Variants in AFDN observed in about 807,000 individuals in gnomAD.
AFDN encodes the protein afadin.
A neutral mutation model predicts 216.6 loss-of-function variants in AFDN; 68 were observed. That is an observed-to-expected ratio of 0.31 (90% CI 0.26 to 0.38). AFDN has a LOEUF of 0.38. Ranked by LOEUF, AFDN falls within the 10% of genes least tolerant of loss-of-function variation. AFDN has a pLI of 1.00. For missense variants in AFDN, 2,136 were observed against 2,342.0 expected (o/e 0.91, Z 1.82); for synonymous variants, 868 against 853.7 (o/e 1.02, Z -0.29).
rs749319737 is a variant in AFDN at position 167,972,014 on chromosome 6, CTGAG to C, written c.*2081_*2084del. 10 of 186,380 alleles carry C rather than the reference CTGAG, an allele frequency of 5.4e-5. No homozygotes were observed. Among genetic ancestry groups the C allele is most frequent in the Non-Finnish European group, 1.0e-4 (9 of 88,318 alleles). 11.5% of individuals were successfully genotyped at this position (186,380 alleles called of 1,614,324 possible). On this transcript the variant is annotated 3_prime_UTR_variant, in exon 34 of 34. Transcript: ENST00000683244. The stretch of plus-strand genomic sequence containing the variant: ...CTGTCTCTTCTTCATTAAACACTTA[CTGAG>C]TATGATTTCTGTGTCAGGCAGTGGT...
At position 167,827,083 on chromosome 6, in the gene AFDN, C is replaced by A; in HGVS notation, c.-50C>A. 2 of 1,049,478 alleles carry A rather than the reference C, an allele frequency of 1.9e-6. No individual in the cohort carries two copies. Among genetic ancestry groups the A allele is most frequent in the Non-Finnish European group, 2.4e-6 (2 of 829,780 alleles). 65.0% of individuals were successfully genotyped at this position (1,049,478 alleles called of 1,614,324 possible). On this transcript the variant is annotated 5_prime_UTR_variant, in exon 1 of 34. Coordinates refer to ENST00000683244, the MANE Select transcript of AFDN (RefSeq NM_001386888.1). ...GCCCCCGCGGACCTGTCGTCCTCGG[C>A]CCGTCCTCCGGCCCCGGCCCCGCGC...
chr6:167,953,293 GAAATTT>G (rs1237733685), intron 30 of AFDN, among the ~76,000 whole-genome samples: 2 of 152,152 alleles, frequency 1.3e-5, no homozygotes, highest in African/African-American at 4.8e-5. Context: ...ACCTCACAAT[GAAATTT>G]AACCTTAGAT....
chr6:167,853,586 CTG>C (rs1782558281), intron 1 of AFDN, among the ~76,000 whole-genome samples: 1 of 152,062 alleles, frequency 6.6e-6, no homozygotes, highest in Non-Finnish European at 1.5e-5. Flanking sequence ...AGAGCTGAAA[CTG>C]TGTGATAAAG....
intron 8 of AFDN, chr6:167,893,651 T>A (rs367560147): frequency 1.2e-4 from 63 of 533,218 alleles, no homozygotes; most frequent in Non-Finnish European, 3.4e-5. Context: ...ACAGTCTGCA[T>A]TGGTTTCTAA....
At chr6:167,907,924 G>A (rs1789914821) in intron 13 of AFDN, among the ~76,000 whole-genome samples, 1 of 152,124 alleles carries the variant, frequency 6.6e-6, no homozygotes, top group African/African-American at 2.4e-5. Context: ...AAATGTTGCA[G>A]AGTAATATCT....
At chr6:167,909,942 A>G (rs1442646813) in intron 13 of AFDN, among the ~76,000 whole-genome samples, 1 of 152,240 alleles carries the variant, frequency 6.6e-6, no homozygotes, top group Admixed American at 6.5e-5. Flanking sequence ...TAAGGAAGCT[A>G]ATCACTTGAC....
intron 23 of AFDN, among the ~76,000 whole-genome samples, chr6:167,942,394 C>G (rs1009459198): frequency 6.6e-6 from 1 of 152,140 alleles, no homozygotes; most frequent in Non-Finnish European, 1.5e-5. Context: ...GTTGTATAAC[C>G]TTGTCCATAA....
intron 1 of AFDN, among the ~76,000 whole-genome samples, chr6:167,835,336 C>T (rs1780301362): frequency 2.0e-5 from 3 of 152,146 alleles, no homozygotes; most frequent in Admixed American, 2.0e-4. Context: ...AAATGTCTGT[C>T]AAATATCTAA....
chr6:167,879,180 G>A (rs1323095830), intron 5 of AFDN, among the ~76,000 whole-genome samples: 3 of 152,128 alleles, frequency 2.0e-5, no homozygotes, highest in Non-Finnish European at 2.9e-5. Flanking sequence ...GTAAAGATGT[G>A]CTGCAACCTG....
intron 1 of AFDN, among the ~76,000 whole-genome samples, chr6:167,846,090 G>A (rs1196278965): frequency 6.6e-6 from 1 of 151,786 alleles, no homozygotes; most frequent in Non-Finnish European, 1.5e-5. Flanking sequence ...ATTATGATTC[G>A]AGATGAGATT....
chr6:167,893,107 C>G (rs2128351958), intron 8 of AFDN, among the ~76,000 whole-genome samples: 1 of 152,304 alleles, frequency 6.6e-6, no homozygotes. Context: ...GATAGCTTAA[C>G]TTGTTCCACA....
At chr6:167,949,390 G>GA (rs769200841) in intron 29 of AFDN, among the ~76,000 whole-genome samples, 3 of 152,220 alleles carry the variant, frequency 2.0e-5, no homozygotes, top group Non-Finnish European at 2.9e-5. Context: ...AGGCAGCGGA[G>GA]AGAGGATTGC....
At chr6:167,835,751 A>G (rs1262127397) in intron 1 of AFDN, among the ~76,000 whole-genome samples, 4 of 152,350 alleles carry the variant, frequency 2.6e-5, no homozygotes, top group South Asian at 4.1e-4. Context: ...AAAGGCTAAT[A>G]CTGTCAAAAT....
intron 1 of AFDN, among the ~76,000 whole-genome samples, chr6:167,859,979 G>GAAATGTGATTATTATATTT (rs564116283): frequency 0.012 from 1,873 of 151,838 alleles, 44 homozygotes; most frequent in African/African-American, 0.043. Flanking sequence ...TTAAGGAAAG[G>GAAATGTGATTATTATATTT]TTTCCTTCCC....
At chr6:167,875,163 A>G (rs554556307) in intron 4 of AFDN, among the ~76,000 whole-genome samples, 172 bp from the exon 5 acceptor site, 1 of 152,338 alleles carries the variant, frequency 6.6e-6, no homozygotes, top group Non-Finnish European at 1.5e-5. Flanking sequence ...GAGAGAAACT[A>G]TATTCTTTAT....
intron 1 of AFDN, among the ~76,000 whole-genome samples, chr6:167,852,003 C>A (rs1384022382): frequency 6.6e-6 from 1 of 152,166 alleles, no homozygotes; most frequent in Admixed American, 6.5e-5. Context: ...CCCTAGACTT[C>A]ACAATTTTCA....
At chr6:167,837,629 T>C (rs1354475658) in intron 1 of AFDN, among the ~76,000 whole-genome samples, 3 of 152,220 alleles carry the variant, frequency 2.0e-5, no homozygotes, top group Non-Finnish European at 2.9e-5. Context: ...GTGTATGTTA[T>C]CTTTTTACGT....
At chr6:167,840,038 A>G (rs1307318717) in intron 1 of AFDN, among the ~76,000 whole-genome samples, 1 of 152,208 alleles carries the variant, frequency 6.6e-6, no homozygotes, top group Non-Finnish European at 1.5e-5. Context: ...GAAGACAGGC[A>G]CAGCAAGCAA....
chr6:167,864,420 A>G (rs1482765851), intron 1 of AFDN, 131 bp from the exon 2 acceptor site: 2 of 873,968 alleles, frequency 2.3e-6, no homozygotes, highest in Non-Finnish European at 3.9e-6. Flanking sequence ...CCATCTCTCT[A>G]CATTAGTCTC....
Sources: allele counts gnomAD v4.1 joint callset (sites outside exome capture counted in the v4.1 genomes callset), GRCh38; gene constraint gnomAD v4.1.1; transcripts MANE v1.5; gene names NCBI Gene and HGNC (gene_info 2026-07-23, HGNC 2026-07-21).